Variants in PRCC observed in about 807,000 individuals in gnomAD.
PRCC encodes proline rich mitotic checkpoint control factor, also known as proline-rich protein PRCC.
A neutral mutation model predicts 44.0 loss-of-function variants in PRCC; 10 were observed. That is an observed-to-expected ratio of 0.23 (90% CI 0.14 to 0.39). The LOEUF is 0.39. Ranked by LOEUF, PRCC falls within the 10% of genes least tolerant of loss-of-function variation. The pLI is 1.00. For synonymous variants in PRCC, 278 were observed against 259.5 expected, an observed-to-expected ratio of 1.07 and a Z score of -0.69; for missense variants, 573 against 624.7, an observed-to-expected ratio of 0.92 and a Z score of 0.88.
intron 4 of PRCC, among the ~76,000 whole-genome samples, chr1:156,793,506 T>C (rs1194071850): frequency 6.6e-6 from 1 of 152,128 alleles, no homozygotes; most frequent in African/African-American, 2.4e-5. Flanking sequence ...TTTTTTTTTT[T>C]TCTTTACCTT....
At chr1:156,789,349 CT>C (rs1318859933) in intron 3 of PRCC, among the ~76,000 whole-genome samples, 3 of 152,190 alleles carry the variant, frequency 2.0e-5, no homozygotes, top group African/African-American at 7.2e-5. Flanking sequence ...AGCACTTCCC[CT>C]ATGTTGAAAA....
intron 3 of PRCC, chr1:156,791,417 A>C: frequency 2.0e-6 from 1 of 493,092 alleles, no homozygotes; most frequent in South Asian, 2.1e-5. Flanking sequence ...AGCAAGGTAT[A>C]GATTGAAGCA....
chr1:156,783,621 C>T (rs76884760), intron 2 of PRCC, among the ~76,000 whole-genome samples: 5,069 of 152,090 alleles, frequency 0.033, 282 homozygotes, highest in African/African-American at 0.12. Context: ...TGACAGGTGC[C>T]TATAGTCCCA....
Position 156,786,477 on chromosome 1 carries a change from A to G in PRCC, c.517-131A>G. The G allele has an allele frequency of 3.2e-6, 3 of 936,930 alleles. No homozygotes were observed. In the South Asian group the frequency reaches 5.2e-5, roughly 16 times the overall value. 58.0% of individuals were successfully genotyped at this position (936,930 alleles called of 1,614,324 possible). A position where few individuals can be genotyped will look rare whatever the true frequency, so the allele number is the denominator to read the frequency against. Reference sequence around the variant, plus strand: ...TTAGGTGGTCTGAGTGGACGGAGGTAAGGAAGAAACAAGGGCTGGTAAGAT... The same window carrying G: ...TTAGGTGGTCTGAGTGGACGGAGGTGAGGAAGAAACAAGGGCTGGTAAGAT... On this transcript the variant is annotated intron_variant, in intron 2 of 6. Transcript: ENST00000271526.
chr1:156,800,747 C>T lies in PRCC; in HGVS notation c.*287C>T. 2.9e-6 allele frequency: 1 copy of T among 338,984 alleles called. No homozygotes were observed. Among genetic ancestry groups the T allele is most frequent in the Non-Finnish European group, 5.4e-6 (1 of 184,048 alleles). 21.0% of individuals were successfully genotyped at this position (338,984 alleles called of 1,614,324 possible). A position where few individuals can be genotyped will look rare whatever the true frequency, so the allele number is the denominator to read the frequency against. On this transcript the variant is annotated 3_prime_UTR_variant, in exon 7 of 7. Coordinates refer to ENST00000271526, the MANE Select transcript of PRCC (RefSeq NM_005973.5). ...GTCAGGTGTGATAAAATGTTGAACCCTCCCCACCACCACTTTTTTTTTTTT... is the reference window on the plus strand; with the variant it reads ...GTCAGGTGTGATAAAATGTTGAACCTTCCCCACCACCACTTTTTTTTTTTT...
intron 2 of PRCC, 106 bp downstream of exon 2, chr1:156,782,435 A>G: frequency 1.1e-5 from 11 of 1,035,334 alleles, no homozygotes; most frequent in Non-Finnish European, 1.5e-5. Context: ...GAGCAAACAC[A>G]GATATTTGAG....
intron 3 of PRCC, chr1:156,791,022 C>A (rs1652452765): frequency 8.4e-7 from 1 of 1,187,850 alleles, no homozygotes; most frequent in Non-Finnish European, 1.2e-6. Context: ...CCTGACTTCA[C>A]CAAGCAGAGG....
At chr1:156,789,342 A>T (rs534352649) in intron 3 of PRCC, among the ~76,000 whole-genome samples, 1 of 152,322 alleles carries the variant, frequency 6.6e-6, no homozygotes, top group African/African-American at 2.4e-5. Flanking sequence ...GTCCTGGAGC[A>T]CTTCCCCTAT....
At chr1:156,782,408 T>C in intron 2 of PRCC, 79 bp downstream of exon 2, 1 of 1,354,182 alleles carries the variant, frequency 7.4e-7, no homozygotes, top group Non-Finnish European at 1.0e-6. Flanking sequence ...TATCCAGCAG[T>C]TTTCAGATTA....
chr1:156,779,336 A>C (rs930372935), intron 1 of PRCC, among the ~76,000 whole-genome samples: 3 of 149,400 alleles, frequency 2.0e-5, no homozygotes, highest in African/African-American at 7.4e-5. Flanking sequence ...TTAATTTAAA[A>C]AATTTTAAAA....
At chr1:156,791,525 G>A in intron 3 of PRCC, 172 bp from the exon 4 acceptor site, 1 of 606,488 alleles carries the variant, frequency 1.6e-6, no homozygotes. Flanking sequence ...TTCTTGAGTT[G>A]TAGGTCGGTC....
chr1:156,792,053 C>CTTTTTTTTTGTTTTTTTTTTTT (rs1652498274), intron 4 of PRCC, among the ~76,000 whole-genome samples: 1 of 58,408 alleles, frequency 1.7e-5, no homozygotes, highest in Non-Finnish European at 3.3e-5. Flanking sequence ...TAGTCCCCTT[C>CTTTTTTTTTGTTTTTTTTTTTT]TTTTTTTTTT....
intron 1 of PRCC, among the ~76,000 whole-genome samples, chr1:156,779,129 T>TATATATATATATATA (rs1491456608): frequency 1.3e-3 from 22 of 16,344 alleles, no homozygotes; most frequent in South Asian, 7.2e-3. Flanking sequence ...TATATATATA[T>TATATATATATATATA]TTTTTTTTTT....
chr1:156,780,404 A>C (rs1464295914), intron 1 of PRCC, among the ~76,000 whole-genome samples: 1 of 150,838 alleles, frequency 6.6e-6, no homozygotes, highest in African/African-American at 2.4e-5. Flanking sequence ...ATTTATTTTA[A>C]ATTTTTTTTT....
intron 4 of PRCC, 120 bp from the exon 5 acceptor site, chr1:156,794,545 G>T: frequency 8.2e-7 from 1 of 1,225,896 alleles, no homozygotes; most frequent in African/African-American, 1.5e-5. Flanking sequence ...AGGACGTAGA[G>T]AACTGAGGGT....
rs1217684358 is a variant in PRCC at position 156,797,343 on chromosome 1, T to TGA, written c.1389+7_1389+8dup. 1 of 1,614,154 alleles carries TGA rather than the reference T, an allele frequency of 6.2e-7. No homozygotes were observed. Among genetic ancestry groups the TGA allele is most frequent in the South Asian group, 1.1e-5 (1 of 91,080 alleles). On this transcript the variant is annotated splice_region_variant and intron_variant, in intron 6 of 6. Transcript: ENST00000271526. ...CAGATCACATATCTTATTCATCAGG[T>TGA]GAGAGACAGCTGAGGGCTCTGGCTC...
intron 2 of PRCC, among the ~76,000 whole-genome samples, chr1:156,783,143 A>G (rs1450088312): frequency 1.3e-5 from 2 of 152,052 alleles, no homozygotes; most frequent in Admixed American, 6.6e-5. Flanking sequence ...ACCTCAGGTG[A>G]TCCGCCCACC....
rs35911411 is a variant in PRCC at position 156,795,285 on chromosome 1, G to GTTTTTTTTTTTTTTTTTTTT, written c.1323+482_1323+501dup. Among the ~76,000 whole-genome samples, 21 of 36,062 alleles carry GTTTTTTTTTTTTTTTTTTTT rather than the reference G, an allele frequency of 5.8e-4. 4 individuals carry two copies. The highest frequency in any genetic ancestry group is 1.8e-3 in the East Asian group (2 of 1,104). 23.7% of individuals were successfully genotyped at this position (36,062 alleles called of 152,430 possible). ...CTTCCAATTGTTTTCATTTTCTGGT[G>GTTTTTTTTTTTTTTTTTTTT]TTTTTTTTTTTTTTTTTTTTTTTTC... is the stretch of plus-strand genomic sequence containing the variant. On this transcript the variant is annotated intron_variant, in intron 5 of 6. Coordinates refer to ENST00000271526, the MANE Select transcript of PRCC (RefSeq NM_005973.5).
At chr1:156,793,511 T>C (rs979594723) in intron 4 of PRCC, among the ~76,000 whole-genome samples, 28 of 152,136 alleles carry the variant, frequency 1.8e-4, no homozygotes, top group African/African-American at 6.3e-4. Context: ...TTTTTTTCTT[T>C]ACCTTAAAAG....
Sources: allele counts gnomAD v4.1 joint callset (sites outside exome capture counted in the v4.1 genomes callset), GRCh38; gene constraint gnomAD v4.1.1; transcripts MANE v1.5; gene names NCBI Gene and HGNC (gene_info 2026-07-23, HGNC 2026-07-21).